Variants in RABGAP1L observed in about 807,000 individuals in gnomAD.
The protein encoded by RABGAP1L is RAB GTPase activating protein 1 like, also known as rab GTPase-activating protein 1-like.
Under a neutral mutation model 137.7 loss-of-function variants are expected in RABGAP1L, and 63 were observed. The ratio of observed to expected loss-of-function variants is 0.46; its 90% CI spans 0.37 to 0.56. The LOEUF is 0.56. RABGAP1L is among the 20% of genes least tolerant of loss of function. RABGAP1L has a pLI of 0.00. For synonymous variants in RABGAP1L, 431 were observed against 433.7 expected (o/e 0.99, Z 0.08); for missense variants, 1,095 against 1,244.0 (o/e 0.88, Z 1.80).
At chr1:174,754,159 G>A (rs1490732536) in intron 18 of RABGAP1L, among the ~76,000 whole-genome samples, 2 of 152,058 alleles carry the variant, frequency 1.3e-5, no homozygotes, top group Admixed American at 1.3e-4. Flanking sequence ...AGCAATACAT[G>A]GGCACTCTTG....
intron 19 of RABGAP1L, among the ~76,000 whole-genome samples, chr1:174,822,786 A>G (rs1448416019): frequency 6.6e-6 from 1 of 152,212 alleles, no homozygotes; most frequent in Admixed American, 6.5e-5. Context: ...AATGACCGGT[A>G]CTGGTCCGCT....
intron 1 of RABGAP1L, among the ~76,000 whole-genome samples, chr1:174,165,739 T>C (rs1340146974): frequency 6.6e-6 from 1 of 152,028 alleles, no homozygotes; most frequent in Non-Finnish European, 1.5e-5. Flanking sequence ...ACTGAAACTG[T>C]CCTCCTGCCT....
intron 19 of RABGAP1L, chr1:174,874,258 A>G (rs1029220251): frequency 1.3e-5 from 2 of 152,868 alleles, no homozygotes; most frequent in African/African-American, 4.8e-5. Flanking sequence ...CTTCTATCAA[A>G]TAAACCTATT....
chr1:174,590,675 T>C (rs1373953434), intron 13 of RABGAP1L, among the ~76,000 whole-genome samples: 1 of 18,364 alleles, frequency 5.4e-5, no homozygotes, highest in African/African-American at 2.9e-4. Flanking sequence ...ACAAAGGACA[T>C]GAACTCATCA....
At chr1:174,468,173 A>C (rs2149300354) in intron 13 of RABGAP1L, among the ~76,000 whole-genome samples, 1 of 152,216 alleles carries the variant, frequency 6.6e-6, no homozygotes, top group South Asian at 2.1e-4. Flanking sequence ...ACTTCTTTAT[A>C]CCACTGTATT....
intron 1 of RABGAP1L, among the ~76,000 whole-genome samples, chr1:174,184,142 C>T (rs1286563944): frequency 1.3e-5 from 2 of 152,156 alleles, no homozygotes; most frequent in Admixed American, 1.3e-4. Flanking sequence ...GCTGGGATTA[C>T]AGGTGTGAGC....
chr1:174,630,156 G>T (rs1025628306), intron 13 of RABGAP1L, among the ~76,000 whole-genome samples: 15 of 151,494 alleles, frequency 9.9e-5, no homozygotes, highest in African/African-American at 3.4e-4. Flanking sequence ...GATAATCGTG[G>T]TTTTTGTCTT....
intron 19 of RABGAP1L, among the ~76,000 whole-genome samples, chr1:174,875,042 GTTA>G (rs1305674284): frequency 2.0e-5 from 3 of 152,292 alleles, no homozygotes; most frequent in African/African-American, 7.2e-5. Context: ...GAAATGACAT[GTTA>G]TTAATAATTC....
chr1:174,981,426 A>T (rs144886844), intron 23 of RABGAP1L, among the ~76,000 whole-genome samples: 26 of 152,126 alleles, frequency 1.7e-4, no homozygotes, highest in Admixed American at 5.9e-4. Context: ...AGCCCTCATC[A>T]CCAGAGCTAT....
At chr1:174,890,245 C>G (rs1655900796) in intron 19 of RABGAP1L, among the ~76,000 whole-genome samples, 1 of 152,204 alleles carries the variant, frequency 6.6e-6, no homozygotes, top group African/African-American at 2.4e-5. Flanking sequence ...GATGTGAGCA[C>G]TGTTAGAAAT....
chr1:174,320,402 T>A (rs1679846168), intron 11 of RABGAP1L, among the ~76,000 whole-genome samples: 1 of 152,226 alleles, frequency 6.6e-6, no homozygotes, highest in Admixed American at 6.5e-5. Context: ...TTTATGTACA[T>A]CATGTTAGCA....
At chr1:174,820,632 C>T (rs1033559287) in intron 19 of RABGAP1L, among the ~76,000 whole-genome samples, 10 of 152,080 alleles carry the variant, frequency 6.6e-5, no homozygotes, top group East Asian at 1.9e-4. Flanking sequence ...GGAAGAATGG[C>T]GGAAGAGGAG....
chr1:174,540,480 C>T (rs543525387), intron 13 of RABGAP1L, among the ~76,000 whole-genome samples: 33 of 152,174 alleles, frequency 2.2e-4, no homozygotes, highest in South Asian at 1.5e-3. Flanking sequence ...ATAAGGTATA[C>T]GGAAGGGATC....
intron 11 of RABGAP1L, among the ~76,000 whole-genome samples, chr1:174,310,956 C>T (rs1370383454): frequency 6.6e-6 from 1 of 152,088 alleles, no homozygotes; most frequent in Non-Finnish European, 1.5e-5. Flanking sequence ...TTATTATTGA[C>T]TATAGTCATC....
chr1:174,542,493 T>C (rs1454829953), intron 13 of RABGAP1L, among the ~76,000 whole-genome samples: 1 of 152,176 alleles, frequency 6.6e-6, no homozygotes, highest in Non-Finnish European at 1.5e-5. Flanking sequence ...TTTTTTTCTT[T>C]ATTAGTCTTG....
chr1:174,625,909 C>G (rs1315058033), intron 13 of RABGAP1L, among the ~76,000 whole-genome samples: 1 of 152,072 alleles, frequency 6.6e-6, no homozygotes, highest in African/African-American at 2.4e-5. Context: ...GGATAATAAA[C>G]ATGGAGCTCT....
At chr1:174,422,196 G>C (rs892385720) in intron 13 of RABGAP1L, among the ~76,000 whole-genome samples, 1 of 152,102 alleles carries the variant, frequency 6.6e-6, no homozygotes, top group East Asian at 1.9e-4. Flanking sequence ...ATCTTGATAC[G>C]CTTAATGGCT....
chr1:174,391,960 A>G (rs1687236896), intron 12 of RABGAP1L, among the ~76,000 whole-genome samples: 1 of 152,210 alleles, frequency 6.6e-6, no homozygotes, highest in African/African-American at 2.4e-5. Flanking sequence ...TTAAATTACA[A>G]AAAGATCCTT....
chr1:174,544,060 A>T (rs989600103), intron 13 of RABGAP1L, among the ~76,000 whole-genome samples: 11 of 152,028 alleles, frequency 7.2e-5, no homozygotes, highest in African/African-American at 2.7e-4. Context: ...GGTGAATCTG[A>T]CAGTTATGTG....
Sources: allele counts gnomAD v4.1 joint callset (sites outside exome capture counted in the v4.1 genomes callset), GRCh38; gene constraint gnomAD v4.1.1; transcripts MANE v1.5; gene names NCBI Gene and HGNC (gene_info 2026-07-23, HGNC 2026-07-21).